The following DMXL1 variants were observed in gnomAD, a reference collection of about 807,000 sequenced individuals.
The protein encoded by DMXL1 is dmX-like protein 1.
A neutral mutation model predicts 319.2 loss-of-function variants in DMXL1; 99 were observed. That is an observed-to-expected ratio of 0.31 (90% CI 0.26 to 0.37). The LOEUF (loss-of-function observed/expected upper bound fraction) is 0.37, where lower values mean the gene tolerates loss of function less well. DMXL1 is among the 10% of genes least tolerant of loss of function. The probability of loss-of-function intolerance (pLI) is 1.00; values close to 1 mark genes in which losing one functional copy is unlikely to be tolerated. For synonymous variants in DMXL1, 1,385 were observed against 1,235.2 expected (o/e 1.12, Z -2.54); for missense variants, 3,745 against 3,595.6 (o/e 1.04, Z -1.06).
At chr5:119,128,076 A>G (rs1764002670) in intron 9 of DMXL1, 4 of 459,382 alleles carry the variant, frequency 8.7e-6, no homozygotes, top group South Asian at 3.5e-5. Context: ...TCAGTAACCA[A>G]CAATTACTAT....
At chr5:119,182,668 T>A (rs777695087) in intron 28 of DMXL1, among the ~76,000 whole-genome samples, 1 of 152,148 alleles carries the variant, frequency 6.6e-6, no homozygotes, top group African/African-American at 2.4e-5. Context: ...TAGACTCTAG[T>A]CTGGCAGGTC....
intron 1 of DMXL1, among the ~76,000 whole-genome samples, chr5:119,087,506 A>C (rs1013083861): frequency 6.6e-6 from 1 of 152,154 alleles, no homozygotes; most frequent in Non-Finnish European, 1.5e-5. Flanking sequence ...ATTCCATTGT[A>C]GTGAGAAAAG....
Position 119,193,839 on chromosome 5 carries a change from C to G in DMXL1, c.7326C>G (p.Pro2442=), listed in dbSNP as rs202223008. ...WDYFIAKPFL[P]SSQSRAEYDS... ...TTTCTTTATTTTAGCCTTTTCTACC[C>G]TCTTCTCAAAGTAGAGCCGAATATG... is the stretch of plus-strand genomic sequence containing the variant. Residue 2442 remains proline (P), a synonymous_variant, in exon 30 of 44, where the codon CCC becomes CCG. Transcript: ENST00000539542. The G allele has an allele frequency of 1.4e-5, 22 of 1,611,982 alleles. No homozygotes were observed. The highest frequency in any genetic ancestry group is 1.7e-5 in the Non-Finnish European group (20 of 1,179,346).
intron 1 of DMXL1, among the ~76,000 whole-genome samples, chr5:119,076,536 G>A (rs1750918414): frequency 1.3e-5 from 2 of 152,074 alleles, no homozygotes; most frequent in African/African-American, 4.8e-5. Context: ...TACTAAAGTG[G>A]ACTTCAAAAT....
chr5:119,147,587 T>C, intron 17 of DMXL1, 117 bp downstream of exon 17: 1 of 659,518 alleles, frequency 1.5e-6, no homozygotes, highest in Non-Finnish European at 2.6e-6. Flanking sequence ...ATGGAAATAA[T>C]ATATTCAAGT....
intron 1 of DMXL1, among the ~76,000 whole-genome samples, chr5:119,089,299 T>TATATATATGCA (rs1561549898): frequency 1.2e-5 from 1 of 84,734 alleles, no homozygotes; most frequent in African/African-American, 4.6e-5. Flanking sequence ...TATATTTTTT[T>TATATATATGCA]TTTTTTTTTT....
intron 1 of DMXL1, among the ~76,000 whole-genome samples, chr5:119,079,500 C>A (rs1751717715): frequency 6.6e-6 from 1 of 152,214 alleles, no homozygotes; most frequent in South Asian, 2.1e-4. Flanking sequence ...GCTGCCACAT[C>A]CCTCTTTATC....
At chr5:119,111,424 TTAAA>T (rs1415535127) in intron 5 of DMXL1, among the ~76,000 whole-genome samples, 3 of 152,192 alleles carry the variant, frequency 2.0e-5, no homozygotes, top group Non-Finnish European at 4.4e-5. Context: ...ATATATTAGG[TTAAA>T]TAAAAAATAT....
intron 29 of DMXL1, among the ~76,000 whole-genome samples, chr5:119,193,328 ACT>A (rs952173381): frequency 2.6e-5 from 4 of 151,006 alleles, no homozygotes; most frequent in African/African-American, 9.8e-5. Flanking sequence ...TCTTTCCCAA[ACT>A]CTTTCTGCAT....
At chr5:119,123,795 C>T (rs1762863813) in intron 9 of DMXL1, among the ~76,000 whole-genome samples, 2 of 108 alleles carry the variant, frequency 0.019, no homozygotes, top group Admixed American at 0.062. Flanking sequence ...TGTGCCTGGC[C>T]TTTCTTTACC....
intron 1 of DMXL1, among the ~76,000 whole-genome samples, chr5:119,076,020 A>G (rs886953638): frequency 3.3e-5 from 5 of 152,002 alleles, no homozygotes; most frequent in African/African-American, 4.8e-5. Flanking sequence ...TGGTTTATCT[A>G]TACTTAGGGT....
chr5:119,135,540 T>C lies in DMXL1; in HGVS notation c.2376+1151T>C, dbSNP rs181873852. On this transcript the variant is annotated intron_variant, in intron 13 of 43. Transcript: ENST00000539542. ...TGTTTGGTATGTGATAAGGTTTGGCTCTGTGTCCCACCCAAATCTCATCTT... is the reference window on the plus strand; with the variant it reads ...TGTTTGGTATGTGATAAGGTTTGGCCCTGTGTCCCACCCAAATCTCATCTT... Among the ~76,000 whole-genome samples the C allele has an allele frequency of 9.2e-5, 14 of 152,316 alleles. No individual in the cohort carries two copies. In the East Asian group the frequency reaches 2.7e-3, roughly 29 times the overall value.
intron 10 of DMXL1, among the ~76,000 whole-genome samples, chr5:119,129,956 A>T (rs1764460992): frequency 6.6e-6 from 1 of 152,216 alleles, no homozygotes; most frequent in South Asian, 2.1e-4. Context: ...GCTGGCAAGA[A>T]CATTCAGCTG....
Position 119,098,032 on chromosome 5 carries a change from A to G in DMXL1, c.141A>G (p.Leu47=), listed in dbSNP as rs527588681. 1.9e-6 allele frequency: 3 copies of G among 1,609,528 alleles called. No individual in the cohort carries two copies. The East Asian group carries it at 6.7e-5, about 36-fold the overall frequency. The change falls in exon 2 of 44, where the codon TTA becomes TTG. Residue 47 remains leucine (L), a synonymous_variant. Coordinates refer to ENST00000539542, the MANE Select transcript of DMXL1 (RefSeq NM_001290321.3). Reference sequence around the variant, plus strand: ...TACTGGGAAGCGATTTTGAAAGATTACAGATAATCCCAGGAGCTAAACATG... The same window carrying G: ...TACTGGGAAGCGATTTTGAAAGATTGCAGATAATCCCAGGAGCTAAACATG... ...IVILGSDFER[L]QIIPGAKHGN...
intron 42 of DMXL1, among the ~76,000 whole-genome samples, chr5:119,243,080 C>T (rs1316333815): frequency 2.6e-5 from 4 of 152,108 alleles, no homozygotes; most frequent in African/African-American, 7.2e-5. Flanking sequence ...CATGAAGGAA[C>T]GTTCTGGGAT....
intron 40 of DMXL1, 62 bp from the exon 41 acceptor site, chr5:119,238,927 A>G: frequency 2.5e-6 from 4 of 1,594,218 alleles, no homozygotes; most frequent in Non-Finnish European, 2.6e-6. Context: ...CGAAGAATAC[A>G]TTTACCTGGT....
chr5:119,134,459 C>T, intron 13 of DMXL1, 70 bp downstream of exon 13: 11 of 1,300,774 alleles, frequency 8.5e-6, no homozygotes, highest in Admixed American at 2.3e-5. Context: ...ATTTATTGGG[C>T]ATGTTCTACA....
chr5:119,198,648 G>A (rs1046731343), intron 32 of DMXL1, among the ~76,000 whole-genome samples: 2 of 152,118 alleles, frequency 1.3e-5, no homozygotes, highest in Non-Finnish European at 2.9e-5. Flanking sequence ...AAATCAGATG[G>A]AACCAGTAGA....
chr5:119,240,140 G>A (rs1788509823), intron 41 of DMXL1, among the ~76,000 whole-genome samples: 1 of 152,028 alleles, frequency 6.6e-6, no homozygotes. Context: ...AGACATGGTG[G>A]CACACATCTG....
Sources: allele counts gnomAD v4.1 joint callset (sites outside exome capture counted in the v4.1 genomes callset), GRCh38; gene constraint gnomAD v4.1.1; transcripts MANE v1.5; gene names NCBI Gene and HGNC (gene_info 2026-07-23, HGNC 2026-07-21).